Variants in ZHX3 observed in about 807,000 individuals in gnomAD.
The protein encoded by ZHX3 is zinc fingers and homeoboxes 3.
ZHX3 carries 20 observed loss-of-function variants against 64.5 expected under a neutral mutation model. The ratio of observed to expected loss-of-function variants is 0.31; its 90% CI spans 0.22 to 0.45. ZHX3 has a LOEUF of 0.45. ZHX3 is among the 20% of genes least tolerant of loss of function. The probability of loss-of-function intolerance (pLI) is 1.00; values close to 1 mark genes in which losing one functional copy is unlikely to be tolerated. For synonymous variants in ZHX3, 423 were observed against 461.6 expected (o/e 0.92, Z 1.07); for missense variants, 1,041 against 1,195.8 (o/e 0.87, Z 1.91).
intron 3 of ZHX3, among the ~76,000 whole-genome samples, chr20:41,197,822 G>A (rs1483164869): frequency 1.3e-5 from 2 of 151,888 alleles, no homozygotes; most frequent in East Asian, 1.9e-4. Flanking sequence ...GCACTAATTT[G>A]TTAGTTTTAC....
chr20:41,237,930 C>T (rs1852514782), intron 2 of ZHX3, among the ~76,000 whole-genome samples: 1 of 152,152 alleles, frequency 6.6e-6, no homozygotes. Flanking sequence ...TAAAACACAG[C>T]CCTGGCTTAC....
chr20:41,194,000 T>G (rs2146160204), intron 3 of ZHX3, among the ~76,000 whole-genome samples: 1 of 152,260 alleles, frequency 6.6e-6, no homozygotes. Context: ...ACAACTGGCC[T>G]CAAGTTTCTA....
Position 41,271,193 on chromosome 20 carries a change from G to T in ZHX3, c.-244-2110C>A, listed in dbSNP as rs544478473. Among the ~76,000 whole-genome samples the T allele has an allele frequency of 1.0e-3, 159 of 152,190 alleles. 1 individual carries two copies. Among genetic ancestry groups the T allele is most frequent in the African/African-American group, 3.7e-3 (152 of 41,540 alleles). On this transcript the variant is annotated intron_variant, in intron 1 of 3. Transcript: ENST00000683867. The stretch of plus-strand genomic sequence containing the variant: ...GCGCCACCACACCCAGCTAATTTTT[G>T]TATTTTTAGTAGAGACGGGGTTTCA...
At chr20:41,227,608 C>A (rs2040354071) in intron 2 of ZHX3, among the ~76,000 whole-genome samples, 1 of 152,086 alleles carries the variant, frequency 6.6e-6, no homozygotes, top group African/African-American at 2.4e-5. Flanking sequence ...ACTTCAGGAG[C>A]CTAAATCAGA....
In ZHX3 at chr20:41,201,131, C is replaced by T. The variant is rs1024760543; in HGVS notation, c.2860+926G>A. Among the ~76,000 whole-genome samples the T allele has an allele frequency of 6.6e-6, 1 of 152,350 alleles. No individual in the cohort carries two copies. On this transcript the variant is annotated intron_variant, in intron 3 of 3. Coordinates refer to ENST00000683867, the MANE Select transcript of ZHX3 (RefSeq NM_001384317.1). The surrounding 1 kb of genome is among the most constrained non-coding windows in gnomAD (Gnocchi z 5.0). ...CACAAGGCCCCACACTGAGGCAGCT[C>T]ATGCCAAAGTCACCACGGAACCATC... is the stretch of plus-strand genomic sequence containing the variant.
At chr20:41,297,921 C>T (rs2044617894) in intron 1 of ZHX3, among the ~76,000 whole-genome samples, 1 of 152,074 alleles carries the variant, frequency 6.6e-6, no homozygotes, top group South Asian at 2.1e-4. Flanking sequence ...CTAGAGTGGC[C>T]CTAGTCATCC....
rs2036452763 is a variant in ZHX3 at position 41,185,591 on chromosome 20, G to T, written c.2861-390C>A. ...CCTTCCAGGCTCTCCAGAACATACT[G>T]TTCCAATATAATAGCAGCTGGGTCT... On this transcript the variant is annotated intron_variant, in intron 3 of 3. Transcript: ENST00000683867. This position sits in a 1 kb window ranked among gnomAD's most constrained non-coding sequence, Gnocchi z 5.0. 1 of 331,866 alleles carries T rather than the reference G, an allele frequency of 3.0e-6. No individual in the cohort carries two copies. The highest frequency in any genetic ancestry group is 5.5e-6 in the Non-Finnish European group (1 of 182,738). The allele number at this position is 331,866 out of a possible 1,614,324, so 20.6% of individuals were successfully genotyped here. A position where few individuals can be genotyped will look rare whatever the true frequency, so the allele number is the denominator to read the frequency against.
At chr20:41,247,414 C>T (rs1252574208) in intron 2 of ZHX3, among the ~76,000 whole-genome samples, 2 of 151,920 alleles carry the variant, frequency 1.3e-5, no homozygotes, top group Non-Finnish European at 2.9e-5. Context: ...GGGTCTTGGG[C>T]AAAGTATTGA....
At chr20:41,284,888 C>A (rs2043860259) in intron 1 of ZHX3, among the ~76,000 whole-genome samples, 1 of 152,156 alleles carries the variant, frequency 6.6e-6, no homozygotes, top group Admixed American at 6.5e-5. Flanking sequence ...TGCTTCATTA[C>A]TTTAGGGTCC....
Position 41,180,934 on chromosome 20 carries a change from G to A in ZHX3, c.*4257C>T, listed in dbSNP as rs977875654. On this transcript the variant is annotated 3_prime_UTR_variant, in exon 4 of 4. Coordinates refer to ENST00000683867, the MANE Select transcript of ZHX3 (RefSeq NM_001384317.1). Reference sequence around the variant, plus strand: ...TACATGGTGGGTAGATGAGGTTGAAGCCTTGCTTGGGGAAGGGACTTGAGC... The same window carrying A: ...TACATGGTGGGTAGATGAGGTTGAAACCTTGCTTGGGGAAGGGACTTGAGC... 6.6e-6 allele frequency: 1 copy of A among 152,304 alleles called. No homozygotes were observed. The highest frequency in any genetic ancestry group is 2.4e-5 in the African/African-American group (1 of 41,474). 9.4% of individuals were successfully genotyped at this position (152,304 alleles called of 1,614,324 possible).
intron 2 of ZHX3, among the ~76,000 whole-genome samples, chr20:41,243,359 T>C (rs2146461651): frequency 6.6e-6 from 1 of 152,290 alleles, no homozygotes; most frequent in Middle Eastern, 3.4e-3. Flanking sequence ...ACAGTTCCAT[T>C]CTTCCCCATG....
intron 2 of ZHX3, among the ~76,000 whole-genome samples, chr20:41,244,500 G>A (rs2041573640): frequency 6.6e-6 from 1 of 152,130 alleles, no homozygotes. Context: ...GTAAGGCCCT[G>A]TATCTGTTTT....
In ZHX3 at chr20:41,179,937, G is replaced by C. The variant is rs1430698624; in HGVS notation, c.*5254C>G. On this transcript the variant is annotated 3_prime_UTR_variant, in exon 4 of 4. Transcript: ENST00000683867. This position sits in a 1 kb window ranked among gnomAD's most constrained non-coding sequence, Gnocchi z 4.3. Reference sequence around the variant, plus strand: ...GAGCCACTGCGCCCAGCCAAGTCACGTTAATTTTGAATCATCCACTTACGG... The same window carrying C: ...GAGCCACTGCGCCCAGCCAAGTCACCTTAATTTTGAATCATCCACTTACGG... 6.6e-6 allele frequency: 1 copy of C among 152,512 alleles called. No homozygotes were observed. The highest frequency in any genetic ancestry group is 1.5e-5 in the Non-Finnish European group (1 of 68,054). The allele number at this position is 152,512 out of a possible 1,614,324, so 9.4% of individuals were successfully genotyped here. A position where few individuals can be genotyped will look rare whatever the true frequency, so the allele number is the denominator to read the frequency against.
At chr20:41,298,054 G>C (rs2044625859) in intron 1 of ZHX3, among the ~76,000 whole-genome samples, 1 of 151,726 alleles carries the variant, frequency 6.6e-6, no homozygotes, top group African/African-American at 2.4e-5. Flanking sequence ...GCCCTGGTGA[G>C]TTAAAAAGAG....
At chr20:41,285,138 C>T (rs2043874257) in intron 1 of ZHX3, among the ~76,000 whole-genome samples, 1 of 152,032 alleles carries the variant, frequency 6.6e-6, no homozygotes, top group Non-Finnish European at 1.5e-5. Flanking sequence ...CTCATGGAAC[C>T]TAACATGCTA....
At chr20:41,218,104 T>C (rs914401538) in intron 2 of ZHX3, among the ~76,000 whole-genome samples, 3 of 151,940 alleles carry the variant, frequency 2.0e-5, no homozygotes, top group African/African-American at 4.8e-5. Context: ...GGTTCCGTCA[T>C]TGCATTCCAG....
chr20:41,307,026 C>T (rs2045000244), intron 1 of ZHX3, among the ~76,000 whole-genome samples: 1 of 152,180 alleles, frequency 6.6e-6, no homozygotes. Flanking sequence ...AGTGTGAACT[C>T]ATCCAGAGAG....
At chr20:41,245,439 T>G (rs1200043564) in intron 2 of ZHX3, among the ~76,000 whole-genome samples, 2 of 152,220 alleles carry the variant, frequency 1.3e-5, no homozygotes, top group South Asian at 4.1e-4. Flanking sequence ...GTGCTGTGCT[T>G]TGAGTTCTGT....
At chr20:41,210,579 G>C (rs2039083859) in intron 2 of ZHX3, among the ~76,000 whole-genome samples, 2 of 152,096 alleles carry the variant, frequency 1.3e-5, no homozygotes, top group Non-Finnish European at 2.9e-5. Flanking sequence ...CCATCATTCT[G>C]AGCAAACTAT....
Sources: allele counts gnomAD v4.1 joint callset (sites outside exome capture counted in the v4.1 genomes callset), GRCh38; gene constraint gnomAD v4.1.1; non-coding constraint Gnocchi (gnomAD v3.1); transcripts MANE v1.5; gene names NCBI Gene and HGNC (gene_info 2026-07-23, HGNC 2026-07-21).